Variants in PSD3 observed in about 807,000 individuals in gnomAD.
PSD3 encodes pleckstrin and Sec7 domain containing 3, also known as PH and SEC7 domain-containing protein 3.
A neutral mutation model predicts 105.5 loss-of-function variants in PSD3; 49 were observed. The observed-to-expected ratio is 0.46, with a 90% CI of 0.37 to 0.59. PSD3 has a LOEUF of 0.59. Among genes scored for constraint, PSD3 ranks in the 20% least tolerant of loss-of-function variants. PSD3 has a pLI of 0.00. For missense variants in PSD3, 1,561 were observed against 1,263.8 expected (o/e 1.24, Z -3.57); for synonymous variants, 557 against 457.8 (o/e 1.22, Z -2.77).
upstream of PSD3, among the ~76,000 whole-genome samples, chr8:19,017,376 G>A (rs998802462): frequency 5.9e-5 from 9 of 152,036 alleles, no homozygotes; most frequent in Non-Finnish European, 1.3e-4. Context: ...TAATCTCATT[G>A]GAAAGATTTT....
At chr8:18,834,820 G>A (rs1813971894) in intron 4 of PSD3, among the ~76,000 whole-genome samples, 2 of 152,168 alleles carry the variant, frequency 1.3e-5, no homozygotes, top group East Asian at 3.8e-4. Context: ...CTTGCATCCT[G>A]TTCTTGGATA....
intron 1 of PSD3, among the ~76,000 whole-genome samples, chr8:18,986,129 T>C (rs564972825): frequency 6.6e-6 from 1 of 152,226 alleles, no homozygotes; most frequent in African/African-American, 2.4e-5. Flanking sequence ...ATTTAGGAGT[T>C]TTATCTTAAA....
In PSD3 at chr8:19,003,328, G is replaced by A. The variant is rs1363261885; in HGVS notation, c.21+10235C>T. 5.3e-5 allele frequency among the ~76,000 whole-genome samples: 8 copies of A among 151,784 alleles called. 1 individual carries two copies. In the South Asian group the frequency reaches 8.4e-4, roughly 16 times the overall value. Reference sequence around the variant, plus strand: ...GAAGGCTGCAGTGAGCTATGATGGCGCCTGGGAGTAGTCACTACACTCCAG... The same window carrying A: ...GAAGGCTGCAGTGAGCTATGATGGCACCTGGGAGTAGTCACTACACTCCAG... On this transcript the variant is annotated intron_variant, in intron 1 of 15. Transcript: ENST00000327040.
intron 14 of PSD3, among the ~76,000 whole-genome samples, chr8:18,563,282 A>G (rs1384624481): frequency 6.6e-6 from 1 of 152,200 alleles, no homozygotes; most frequent in African/African-American, 2.4e-5. Context: ...TATAATGCCC[A>G]CAAAACCTAA....
chr8:18,612,487 C>T (rs2130653345), intron 11 of PSD3, among the ~76,000 whole-genome samples: 1 of 152,252 alleles, frequency 6.6e-6, no homozygotes, highest in East Asian at 1.9e-4. Context: ...ATTCCCCTGC[C>T]TCAGCTTCCC....
rs1461218522 is a variant in PSD3, at chr8:18,591,889, T to G, written c.2481+8475A>C. The stretch of plus-strand genomic sequence containing the variant: ...AAAGGGTGCAAGGATTATGGGCTCC[T>G]GAAAAAGGATTCAGAGTTCCCTAAA... On this transcript the variant is annotated intron_variant, in intron 12 of 15. Coordinates refer to ENST00000327040, the MANE Select transcript of PSD3 (RefSeq NM_015310.4). 2.0e-5 allele frequency among the ~76,000 whole-genome samples: 3 copies of G among 152,100 alleles called. No individual in the cohort carries two copies. The East Asian group carries it at 5.8e-4, about 29-fold the overall frequency.
intron 1 of PSD3, among the ~76,000 whole-genome samples, chr8:18,973,541 T>C (rs1452890659): frequency 6.6e-6 from 1 of 152,160 alleles, no homozygotes; most frequent in Non-Finnish European, 1.5e-5. Context: ...TAGGGGCCCA[T>C]CCTTATGACC....
At chr8:18,572,758 A>G in intron 13 of PSD3, 86 bp from the exon 14 acceptor site, 1 of 1,440,156 alleles carries the variant, frequency 6.9e-7, no homozygotes, top group South Asian at 1.3e-5. Flanking sequence ...CTGATTTGCA[A>G]TGGCATGTGA....
chr8:18,976,530 T>C (rs938714535), intron 1 of PSD3, among the ~76,000 whole-genome samples: 32 of 152,174 alleles, frequency 2.1e-4, no homozygotes, highest in African/African-American at 7.7e-4. Flanking sequence ...AGTAGCCAAG[T>C]TCCAAAAGGG....
intron 9 of PSD3, among the ~76,000 whole-genome samples, chr8:18,703,167 G>A (rs1288304089): frequency 6.6e-6 from 1 of 152,154 alleles, no homozygotes; most frequent in African/African-American, 2.4e-5. Context: ...AACACCACCA[G>A]CAGATGCCAC....
intron 8 of PSD3, among the ~76,000 whole-genome samples, chr8:18,783,780 A>C (rs1376474991): frequency 6.6e-6 from 1 of 152,130 alleles, no homozygotes; most frequent in African/African-American, 2.4e-5. Context: ...TGATAGGTGC[A>C]TGCCACCATG....
At chr8:19,044,705 T>G (rs75353544) in intron 1 of PSD3, among the ~76,000 whole-genome samples, 15,318 of 152,148 alleles carry the variant, frequency 0.1, 810 homozygotes, top group African/African-American at 0.12. Context: ...AAAACACAAA[T>G]GTACTGTGAG....
In PSD3 at chr8:18,544,171, C is replaced by CAAAAAAA. The variant is rs201016537; in HGVS notation, c.2929-8220_2929-8214dup. Among the ~76,000 whole-genome samples, 321 of 106,382 alleles carry CAAAAAAA rather than the reference C, an allele frequency of 3.0e-3. 2 individuals are homozygous for CAAAAAAA. The highest frequency in any genetic ancestry group is 1.0e-2 in the East Asian group (34 of 3,406). 69.8% of individuals were successfully genotyped at this position (106,382 alleles called of 152,430 possible). ...TACAATGGAAAACAAAGAAACAAAC[C>CAAAAAAA]AAAAAAAAAAAAAAAAAAAAAAAAA... On this transcript the variant is annotated intron_variant, in intron 15 of 15. Coordinates refer to ENST00000327040, the MANE Select transcript of PSD3 (RefSeq NM_015310.4).
At chr8:19,001,248 T>C (rs955387717) in intron 1 of PSD3, among the ~76,000 whole-genome samples, 29 of 151,710 alleles carry the variant, frequency 1.9e-4, no homozygotes, top group African/African-American at 6.8e-4. Context: ...GCTCGCACCA[T>C]CACATCTGGC....
At chr8:18,850,430 C>T (rs1042921566) in intron 4 of PSD3, among the ~76,000 whole-genome samples, 4 of 152,140 alleles carry the variant, frequency 2.6e-5, no homozygotes, top group African/African-American at 9.7e-5. Flanking sequence ...CAAAACAAAG[C>T]GATGTCAAGA....
intron 15 of PSD3, among the ~76,000 whole-genome samples, chr8:18,548,168 T>C (rs749118564): frequency 4.6e-5 from 7 of 152,156 alleles, no homozygotes; most frequent in Non-Finnish European, 1.0e-4. Flanking sequence ...TGTTAAATAA[T>C]TTCTCTTAAT....
intron 1 of PSD3, among the ~76,000 whole-genome samples, chr8:18,977,259 CA>C (rs36071554): frequency 9.3e-4 from 105 of 113,160 alleles, no homozygotes; most frequent in Middle Eastern, 9.4e-3. Context: ...CACCCTATCT[CA>C]AAAAAAAAAA....
intron 8 of PSD3, among the ~76,000 whole-genome samples, chr8:18,788,298 C>G (rs773793532): frequency 6.6e-6 from 1 of 152,144 alleles, no homozygotes; most frequent in Admixed American, 6.5e-5. Context: ...GTTGCAATAA[C>G]GAGAGCAAAG....
chr8:18,731,854 T>A (rs1485115455), intron 9 of PSD3, among the ~76,000 whole-genome samples: 1 of 152,190 alleles, frequency 6.6e-6, no homozygotes, highest in African/African-American at 2.4e-5. Flanking sequence ...GTCTTTGCTT[T>A]TAAATAAAAA....
Sources: gnomAD v4.1 joint callset for allele counts (sites outside exome capture counted in the v4.1 genomes callset) on GRCh38, gnomAD v4.1.1 for gene constraint, MANE v1.5 for transcripts, NCBI Gene and HGNC (gene_info 2026-07-23, HGNC 2026-07-21) for gene names.